The following C10orf90 variants were observed in gnomAD, a reference collection of about 807,000 sequenced individuals.
C10orf90 encodes the protein (E2-independent) E3 ubiquitin-conjugating enzyme FATS.
In C10orf90, 56 loss-of-function variants were observed where a neutral mutation model predicts 62.5. The ratio of observed to expected loss-of-function variants is 0.90; its 90% confidence interval spans 0.72 to 1.12. C10orf90 has a LOEUF of 1.12. Ranked by LOEUF, C10orf90 falls within the 50% of genes most tolerant of loss-of-function variation. The pLI, the probability that C10orf90 is intolerant of heterozygous loss-of-function variation, is 0.00. For missense variants in C10orf90, 970 were observed against 880.4 expected (o/e 1.10, Z -1.29); for synonymous variants, 386 against 340.4 (o/e 1.13, Z -1.47).
chr10:126,486,462 T>C (rs1349112416), intron 4 of C10orf90, among the ~76,000 whole-genome samples: 1 of 152,148 alleles, frequency 6.6e-6, no homozygotes, highest in African/African-American at 2.4e-5. Context: ...CAAAAGTCAG[T>C]AGAGACACCA....
intron 2 of C10orf90, among the ~76,000 whole-genome samples, chr10:126,526,091 C>A (rs1390578445): frequency 6.6e-6 from 1 of 151,130 alleles, no homozygotes; most frequent in African/African-American, 2.4e-5. Flanking sequence ...AGGGGCAGGG[C>A]TCTCCAGAGA....
intron 4 of C10orf90, among the ~76,000 whole-genome samples, chr10:126,490,108 T>C (rs1483513842): frequency 1.9e-5 from 2 of 107,740 alleles, no homozygotes; most frequent in Non-Finnish European, 3.9e-5. Flanking sequence ...ATAATATATA[T>C]GTATATAATT....
In C10orf90 at chr10:126,507,250, G is replaced by A. The variant is rs189043919; in HGVS notation, c.406-2165C>T. On this transcript the variant is annotated intron_variant, in intron 3 of 9. Coordinates refer to ENST00000488181, the MANE Select transcript of C10orf90 (RefSeq NM_001350921.2). Reference sequence around the variant, plus strand: ...CAGGCGCCTGTAGTCCCAGCTACTCGGGAGGCTGAGGCAGGAGAATGGCGT... The same window carrying A: ...CAGGCGCCTGTAGTCCCAGCTACTCAGGAGGCTGAGGCAGGAGAATGGCGT... 6.6e-3 allele frequency among the ~76,000 whole-genome samples: 1,006 copies of A among 151,382 alleles called. 10 individuals are homozygous for A. Among genetic ancestry groups the A allele is most frequent in the African/African-American group, 0.023 (934 of 41,196 alleles).
chr10:126,650,092 A>T (rs1034129699), intron 1 of C10orf90, among the ~76,000 whole-genome samples: 1 of 152,124 alleles, frequency 6.6e-6, no homozygotes, highest in Non-Finnish European at 1.5e-5. Context: ...AGTGCCTGGG[A>T]TTTATGTGGC....
At chr10:126,522,568 T>G (rs1253406905) in intron 2 of C10orf90, among the ~76,000 whole-genome samples, 2 of 152,232 alleles carry the variant, frequency 1.3e-5, no homozygotes, top group East Asian at 3.9e-4. Flanking sequence ...CATGTCATAA[T>G]GGCTAAAACG....
intron 2 of C10orf90, among the ~76,000 whole-genome samples, chr10:126,553,695 G>A (rs1864690655): frequency 6.6e-6 from 1 of 152,106 alleles, no homozygotes; most frequent in Non-Finnish European, 1.5e-5. Context: ...ATCTAGCCAA[G>A]GTATGTTGTA....
chr10:126,612,249 A>G lies in C10orf90; in HGVS notation c.313+34316T>C, dbSNP rs1039221625. On this transcript the variant is annotated intron_variant, in intron 2 of 9. Coordinates refer to ENST00000488181, the MANE Select transcript of C10orf90 (RefSeq NM_001350921.2). Reference sequence around the variant, plus strand: ...GGCAGGAGAATTGCTTGAACTTGGGATGTGGAGGTTGCAGTGAGCCGAGAT... The same window carrying G: ...GGCAGGAGAATTGCTTGAACTTGGGGTGTGGAGGTTGCAGTGAGCCGAGAT... Among the ~76,000 whole-genome samples the G allele has an allele frequency of 1.1e-3, 173 of 150,566 alleles. 5 individuals carry two copies. Among genetic ancestry groups the G allele is most frequent in the East Asian group, 7.9e-4 (4 of 5,036 alleles).
Position 126,500,596 on chromosome 10 carries a change from C to T in C10orf90, c.1534+3361G>A, listed in dbSNP as rs577640600. On this transcript the variant is annotated intron_variant, in intron 4 of 9. Transcript: ENST00000488181. The stretch of plus-strand genomic sequence containing the variant: ...TAGATTCGAAGATTTGCCCAATGCC[C>T]ACCTACTTGGTGCTATCTGAATGCT... 9.9e-5 allele frequency among the ~76,000 whole-genome samples: 15 copies of T among 152,208 alleles called. No homozygotes were observed. In the South Asian group the frequency reaches 3.1e-3, roughly 32 times the overall value.
intron 7 of C10orf90, among the ~76,000 whole-genome samples, 159 bp downstream of exon 7, chr10:126,458,881 C>T (rs192547205): frequency 6.6e-6 from 1 of 152,232 alleles, no homozygotes; most frequent in Non-Finnish European, 1.5e-5. Flanking sequence ...GCTCCAAGAA[C>T]AGGATTTATG....
chr10:126,591,899 C>A (rs1844987378), intron 2 of C10orf90, among the ~76,000 whole-genome samples: 1 of 151,944 alleles, frequency 6.6e-6, no homozygotes, highest in South Asian at 2.1e-4. Flanking sequence ...TCCTATACAC[C>A]AAAAACAGGC....
chr10:126,664,079 A>T (rs1846574504), intron 1 of C10orf90, among the ~76,000 whole-genome samples: 1 of 152,174 alleles, frequency 6.6e-6, no homozygotes, highest in Admixed American at 6.5e-5. Flanking sequence ...AGCTGGCCCC[A>T]GGAGTAGGCG....
chr10:126,474,147 T>C (rs1485033150), intron 4 of C10orf90, among the ~76,000 whole-genome samples: 1 of 152,174 alleles, frequency 6.6e-6, no homozygotes, highest in Non-Finnish European at 1.5e-5. Flanking sequence ...TTCACATGCA[T>C]GTCCACATCT....
chr10:126,441,253 C>A, intron 7 of C10orf90, among the ~76,000 whole-genome samples: 1 of 152,090 alleles, frequency 6.6e-6, no homozygotes, highest in East Asian at 1.9e-4. Flanking sequence ...TGGAAAGTCT[C>A]AGCAATAGAA....
At chr10:126,627,909 T>A (rs1845777749) in intron 2 of C10orf90, among the ~76,000 whole-genome samples, 2 of 152,232 alleles carry the variant, frequency 1.3e-5, no homozygotes, top group Non-Finnish European at 2.9e-5. Flanking sequence ...CTTGTTTTCA[T>A]GTTAAGATGA....
At chr10:126,518,120 T>C (rs1863541660) in intron 2 of C10orf90, among the ~76,000 whole-genome samples, 1 of 152,010 alleles carries the variant, frequency 6.6e-6, no homozygotes, top group Non-Finnish European at 1.5e-5. Flanking sequence ...CCTCAGGCTC[T>C]GCCTTTTGGA....
At position 126,425,818 on chromosome 10, in the gene C10orf90, A is replaced by C; in HGVS notation, c.*46T>G. The C allele has an allele frequency of 6.3e-7, 1 of 1,582,696 alleles. No individual in the cohort carries two copies. Among genetic ancestry groups the C allele is most frequent in the Non-Finnish European group, 8.6e-7 (1 of 1,164,894 alleles). ...AGTTTAATGGCTTATCCAGCATTCG[A>C]AGTCCTCCCAGGTCCAGGTAGTGTG... On this transcript the variant is annotated 3_prime_UTR_variant, in exon 10 of 10. Coordinates refer to ENST00000488181, the MANE Select transcript of C10orf90 (RefSeq NM_001350921.2).
At chr10:126,665,090 A>T (rs990859446) in intron 1 of C10orf90, among the ~76,000 whole-genome samples, 1 of 152,184 alleles carries the variant, frequency 6.6e-6, no homozygotes, top group Non-Finnish European at 1.5e-5. Flanking sequence ...GGAGTGAGGC[A>T]GGGGCTCCCA....
rs1248934286 is a variant in C10orf90 at position 126,504,379 on chromosome 10, G to A, written c.1112C>T (p.Pro371Leu). The A allele has an allele frequency of 1.9e-6, 3 of 1,614,078 alleles. No individual in the cohort carries two copies. Among genetic ancestry groups the A allele is most frequent in the Non-Finnish European group, 2.5e-6 (3 of 1,180,038 alleles). Residue 371 changes from proline (P) to leucine (L), a missense_variant, in exon 4 of 10, where the codon CCC becomes CTC. Transcript: ENST00000488181. The surrounding 1 kb of genome is among the most constrained non-coding windows in gnomAD (Gnocchi z 4.1). Reference sequence around the variant, plus strand: ...GCTGGCAATTTGAGGTGGCTCAATGGGGACGGAGAGAGACTTGTCTACGTA... The same window carrying A: ...GCTGGCAATTTGAGGTGGCTCAATGAGGACGGAGAGAGACTTGTCTACGTA... Reference protein sequence around the residue: ...IYYVDKSLSVPIEPPQIASPK... With the variant: ...IYYVDKSLSVLIEPPQIASPK...
rs138274536 is a variant in C10orf90, at chr10:126,459,082, G to A, written c.2146C>T (p.Arg716Cys). The change falls in exon 7 of 10, where the codon CGC becomes TGC. Residue 716 changes from arginine (R) to cysteine (C), a missense_variant. Transcript: ENST00000488181. ...LRQKQSLLPI[R>C]TSKKQFTIPH... ...ATCGTGAACTGCTTCTTGCTGGTGC[G>A]GATGGGAAGGAGGCTCTGCTTCTGC... 1.7e-5 allele frequency: 28 copies of A among 1,613,752 alleles called. No individual in the cohort carries two copies. The highest frequency in any genetic ancestry group is 1.1e-4 in the African/African-American group (8 of 74,926).
Sources: gnomAD v4.1 joint callset for allele counts (sites outside exome capture counted in the v4.1 genomes callset) on GRCh38, gnomAD v4.1.1 for gene constraint, Gnocchi (gnomAD v3.1) non-coding constraint, MANE v1.5 for transcripts, NCBI Gene and HGNC (gene_info 2026-07-23, HGNC 2026-07-21) for gene names.